The following CDH13 variants were observed in gnomAD, a reference collection of about 807,000 sequenced individuals.
CDH13 encodes cadherin 13.
In CDH13, 24 loss-of-function variants were observed where a neutral mutation model predicts 63.8. The observed-to-expected ratio is 0.38, with a 90% CI of 0.27 to 0.53. The LOEUF (loss-of-function observed/expected upper bound fraction) is 0.53, where lower values mean the gene tolerates loss of function less well. Ranked by LOEUF, CDH13 falls within the 20% of genes least tolerant of loss-of-function variation. CDH13 has a pLI of 0.85. For synonymous variants in CDH13, 503 were observed against 355.3 expected (o/e 1.42, Z -4.67); for missense variants, 1,049 against 903.1 (o/e 1.16, Z -2.07).
At chr16:82,696,349 AAC>A (rs1441923886) in intron 1 of CDH13, among the ~76,000 whole-genome samples, 1 of 152,210 alleles carries the variant, frequency 6.6e-6, no homozygotes, top group East Asian at 1.9e-4. Flanking sequence ...AATTAGAAAA[AAC>A]ACAGTCAATG....
intron 1 of CDH13, among the ~76,000 whole-genome samples, chr16:82,763,983 T>G (rs929364793): frequency 1.3e-5 from 2 of 152,212 alleles, no homozygotes; most frequent in Admixed American, 1.3e-4. Flanking sequence ...ATCCCTGGAT[T>G]TGAAAAGGAA....
intron 5 of CDH13, among the ~76,000 whole-genome samples, chr16:83,265,965 C>G (rs1404212733): frequency 1.3e-5 from 2 of 152,052 alleles, no homozygotes; most frequent in East Asian, 3.9e-4. Context: ...TAGATGGATT[C>G]TCGCTCTGTC....
At chr16:83,483,464 G>T (rs1048971318) in intron 6 of CDH13, among the ~76,000 whole-genome samples, 1 of 49,202 alleles carries the variant, frequency 2.0e-5, no homozygotes, top group Non-Finnish European at 4.6e-5. Context: ...AACCTGAAAG[G>T]TCTTTTTTTT....
At chr16:83,555,646 A>G (rs1358484484) in intron 7 of CDH13, among the ~76,000 whole-genome samples, 3 of 152,234 alleles carry the variant, frequency 2.0e-5, no homozygotes, top group African/African-American at 4.8e-5. Flanking sequence ...GATAAGCCCA[A>G]GGCTAAGTGG....
intron 7 of CDH13, among the ~76,000 whole-genome samples, chr16:83,577,549 C>A (rs1483579526): frequency 6.6e-6 from 1 of 152,116 alleles, no homozygotes; most frequent in Non-Finnish European, 1.5e-5. Context: ...TCCCAGATGC[C>A]CCTATGGGAA....
chr16:82,857,069 A>C (rs2039732891), intron 1 of CDH13, among the ~76,000 whole-genome samples: 1 of 152,194 alleles, frequency 6.6e-6, no homozygotes, highest in African/African-American at 2.4e-5. Flanking sequence ...AAAAATGCAA[A>C]GTCCTGCACG....
chr16:82,879,555 A>G (rs2040620825), intron 2 of CDH13, among the ~76,000 whole-genome samples: 1 of 142,422 alleles, frequency 7.0e-6, no homozygotes, highest in African/African-American at 2.6e-5. Context: ...TAATATATAC[A>G]TATATTGTAT....
chr16:83,107,033 G>C (rs1040929896), intron 3 of CDH13, among the ~76,000 whole-genome samples: 14 of 152,016 alleles, frequency 9.2e-5, no homozygotes, highest in African/African-American at 3.1e-4. Flanking sequence ...CAGACAGACA[G>C]ACACACACAC....
At chr16:82,969,648 A>C (rs186684769) in intron 2 of CDH13, among the ~76,000 whole-genome samples, 313 of 152,238 alleles carry the variant, frequency 2.1e-3, no homozygotes, top group Non-Finnish European at 1.2e-3. Context: ...CCTGGCCTCT[A>C]CACACTGGAT....
At chr16:82,862,580 C>T (rs1597832584) in intron 2 of CDH13, among the ~76,000 whole-genome samples, 1 of 152,048 alleles carries the variant, frequency 6.6e-6, no homozygotes, top group Non-Finnish European at 1.5e-5. Flanking sequence ...TACCCTTGTT[C>T]ATTCTTTATG....
intron 8 of CDH13, among the ~76,000 whole-genome samples, chr16:83,659,785 C>CTTTTTTT (rs35285231): frequency 8.1e-6 from 1 of 122,940 alleles, no homozygotes; most frequent in South Asian, 2.8e-4. Context: ...AGTCCACAAC[C>CTTTTTTT]TTTTTTTTTT....
At chr16:83,463,969 T>G (rs1163350012) in intron 6 of CDH13, among the ~76,000 whole-genome samples, 1 of 152,084 alleles carries the variant, frequency 6.6e-6, no homozygotes, top group Non-Finnish European at 1.5e-5. Flanking sequence ...GACCACCACT[T>G]TTGTAGCAGG....
intron 2 of CDH13, among the ~76,000 whole-genome samples, chr16:82,961,659 C>G (rs1301391941): frequency 6.6e-6 from 1 of 151,370 alleles, no homozygotes; most frequent in Non-Finnish European, 1.5e-5. Flanking sequence ...GGACTTTGCT[C>G]TCAGTATTTT....
chr16:83,250,038 A>G (rs1905341214), intron 5 of CDH13, among the ~76,000 whole-genome samples: 1 of 152,212 alleles, frequency 6.6e-6, no homozygotes, highest in Non-Finnish European at 1.5e-5. Context: ...AACAGATCCT[A>G]AGTTAATGAG....
intron 7 of CDH13, among the ~76,000 whole-genome samples, chr16:83,504,495 T>C (rs58781644): frequency 0.038 from 5,769 of 152,278 alleles, 379 homozygotes; most frequent in African/African-American, 0.13. Flanking sequence ...ATGGGAGGCA[T>C]CTGAGGCTTT....
intron 3 of CDH13, among the ~76,000 whole-genome samples, chr16:83,087,664 T>A (rs1597309986): frequency 1.7e-5 from 1 of 57,262 alleles, no homozygotes; most frequent in Non-Finnish European, 2.9e-5. Flanking sequence ...CAAGACTCCC[T>A]CCGTCTCAAA....
chr16:83,007,837 AGAG>A lies in CDH13; in HGVS notation c.158-24172_158-24170del, dbSNP rs1481949517. On this transcript the variant is annotated intron_variant, in intron 2 of 13. Coordinates refer to ENST00000567109, the MANE Select transcript of CDH13 (RefSeq NM_001257.5). ...AGACGACTCTGTCAAAAAAAAAAAAAGAGAGAAAAGAAAAATGCCTTAAAATTA... is the reference window on the plus strand; with the variant it reads ...AGACGACTCTGTCAAAAAAAAAAAAAAGAAAAGAAAAATGCCTTAAAATTA... Among the ~76,000 whole-genome samples the A allele has an allele frequency of 2.6e-5, 4 of 151,000 alleles. 1 individual carries two copies. The highest frequency in any genetic ancestry group is 4.2e-4 in the South Asian group (2 of 4,794).
intron 8 of CDH13, among the ~76,000 whole-genome samples, chr16:83,656,907 A>G (rs1388464469): frequency 6.6e-6 from 1 of 152,206 alleles, no homozygotes; most frequent in African/African-American, 2.4e-5. Context: ...CTGGTGGCTT[A>G]TGAATTTCAG....
At chr16:82,797,907 CT>C (rs1274222126) in intron 1 of CDH13, among the ~76,000 whole-genome samples, 1 of 151,872 alleles carries the variant, frequency 6.6e-6, no homozygotes, top group African/African-American at 2.4e-5. Flanking sequence ...CTCAGAAGAC[CT>C]TTGCAATATG....
Sources: gnomAD v4.1 joint callset for allele counts (sites outside exome capture counted in the v4.1 genomes callset) on GRCh38, gnomAD v4.1.1 for gene constraint, MANE v1.5 for transcripts, NCBI Gene and HGNC (gene_info 2026-07-23, HGNC 2026-07-21) for gene names.